CCDC74A: variants seen among roughly 807,000 people sequenced by gnomAD.
The protein encoded by CCDC74A is coiled-coil domain-containing protein 74A.
CCDC74A carries 38 observed loss-of-function variants against 37.6 expected under a neutral mutation model. The observed-to-expected ratio is 1.01, with a 90% CI of 0.78 to 1.33. The LOEUF (loss-of-function observed/expected upper bound fraction) is 1.33, where lower values mean the gene tolerates loss of function less well. CCDC74A is among the 40% of genes most tolerant of loss of function. The pLI is 0.00. For synonymous variants in CCDC74A, 134 were observed against 165.2 expected (o/e 0.81, Z 1.45); for missense variants, 340 against 403.4 (o/e 0.84, Z 1.35).
Position 131,533,036 on chromosome 2 carries a change from C to G in CCDC74A, c.776C>G (p.Pro259Arg). 6.2e-7 allele frequency: 1 copy of G among 1,613,946 alleles called. No homozygotes were observed. The highest frequency in any genetic ancestry group is 8.5e-7 in the Non-Finnish European group (1 of 1,179,854). The change falls in exon 7 of 8, where the codon CCC (proline) becomes CGC (arginine). Residue 259 changes from proline to arginine, a missense_variant. This residue lies in a region of CCDC74A where 185 missense variants were observed against 231.5 expected (regional missense o/e 0.80). Transcript: ENST00000409856. The part of the protein sequence containing the change: ...FPRDQEATHF[P>R]KVSTKSLSKK... Reference sequence around the variant, plus strand: ...AGGGACCAAGAAGCCACGCATTTCCCCAAGGTCTCCACCAAGAGCCTCTCC... The same window carrying G: ...AGGGACCAAGAAGCCACGCATTTCCGCAAGGTCTCCACCAAGAGCCTCTCC...
upstream of CCDC74A, among the ~76,000 whole-genome samples, chr2:131,524,999 T>TATA: frequency 6.6e-6 from 1 of 151,824 alleles, no homozygotes; most frequent in Non-Finnish European, 1.5e-5. Context: ...AGTTCCAGGC[T>TATA]GCAAGTGAGC....
upstream of CCDC74A, among the ~76,000 whole-genome samples, chr2:131,526,250 A>C (rs1190850783): frequency 6.7e-6 from 1 of 149,968 alleles, no homozygotes; most frequent in Non-Finnish European, 1.5e-5. Flanking sequence ...GGATTCAAGC[A>C]ATCCTCCCAC....
At chr2:131,530,491 G>A (rs1380545399) in intron 2 of CCDC74A, 1 of 1,564,708 alleles carries the variant, frequency 6.4e-7, no homozygotes, top group African/African-American at 1.4e-5. Flanking sequence ...GCCCTGCAGT[G>A]CTGGGGACGC....
chr2:131,528,358 C>T (rs1410464792), intron 1 of CCDC74A, 138 bp downstream of exon 1: 40 of 1,546,922 alleles, frequency 2.6e-5, no homozygotes, highest in Non-Finnish European at 3.4e-5. Context: ...TAAGCCCGCC[C>T]TGCCACGCTG....
upstream of CCDC74A, among the ~76,000 whole-genome samples, chr2:131,526,146 C>CT (rs369118247): frequency 0.21 from 27,189 of 126,538 alleles, 3,769 homozygotes; most frequent in East Asian, 0.65. Context: ...CTTTTTTTTC[C>CT]TTTTTTTTTT....
Position 131,528,325 on chromosome 2 carries a change from G to A in CCDC74A, c.250+105G>A, listed in dbSNP as rs770565483. On this transcript the variant is annotated intron_variant, in intron 1 of 7. Coordinates refer to ENST00000409856, the MANE Select transcript of CCDC74A (RefSeq NM_001258306.3). ...AGCCATCAACTCCAGCACACGCCTG[G>A]GCTCAGGGGGAACACAGGACGGTAA... The A allele has an allele frequency of 1.0e-5, 16 of 1,549,844 alleles. No individual in the cohort carries two copies. In the South Asian group the frequency reaches 1.8e-4, roughly 17 times the overall value.
chr2:131,533,156 A>C (rs548934992), intron 7 of CCDC74A, 87 bp downstream of exon 7: 9 of 1,609,706 alleles, frequency 5.6e-6, no homozygotes, highest in Admixed American at 1.7e-5. Context: ...GGCAGCGCAG[A>C]AGCAGAGCTC....
At chr2:131,528,934 T>G (rs1680696407) in intron 1 of CCDC74A, among the ~76,000 whole-genome samples, 2 of 76,114 alleles carry the variant, frequency 2.6e-5, no homozygotes, top group South Asian at 5.5e-4. Context: ...CCCCACCCCG[T>G]CCCCGCTTCG....
chr2:131,523,873 G>C (rs1162960370), upstream of CCDC74A, among the ~76,000 whole-genome samples: 1 of 152,004 alleles, frequency 6.6e-6, no homozygotes, highest in Non-Finnish European at 1.5e-5. Context: ...GAACTCCCAA[G>C]GGTAAGGAGG....
At chr2:131,528,833 T>C (rs971489707) in intron 1 of CCDC74A, among the ~76,000 whole-genome samples, 1 of 152,036 alleles carries the variant, frequency 6.6e-6, no homozygotes, top group Non-Finnish European at 1.5e-5. Flanking sequence ...ACAAAAACTT[T>C]ATACAGGGAA....
chr2:131,527,526 G>A (rs1478908220), upstream of CCDC74A: 3 of 157,898 alleles, frequency 1.9e-5, no homozygotes, highest in African/African-American at 7.2e-5. Flanking sequence ...TTTAGACAGA[G>A]TCTCTGTCGT....
intron 3 of CCDC74A, 143 bp from the exon 4 acceptor site, chr2:131,531,521 G>A: frequency 1.8e-6 from 2 of 1,087,904 alleles, no homozygotes; most frequent in Non-Finnish European, 2.4e-6. Context: ...CTCCAAGGCA[G>A]GCTTCCCTTT....
At chr2:131,523,300 T>C (rs1680188247), upstream of CCDC74A, among the ~76,000 whole-genome samples, 2 of 152,294 alleles carry the variant, frequency 1.3e-5, no homozygotes, top group South Asian at 4.1e-4. Context: ...AGTCACAAGG[T>C]GCCGAAATAT....
At chr2:131,530,063 C>A in intron 2 of CCDC74A, 1 of 1,550,426 alleles carries the variant, frequency 6.4e-7, no homozygotes, top group Non-Finnish European at 8.7e-7. Context: ...ATTTCCAGCC[C>A]TATGGCTCTG....
chr2:131,530,375 C>A, intron 2 of CCDC74A: 1 of 1,548,358 alleles, frequency 6.5e-7, no homozygotes, highest in Non-Finnish European at 8.7e-7. Flanking sequence ...GCTCTCCCTT[C>A]CCAGGGAGAC....
chr2:131,526,037 A>C (rs900809513), upstream of CCDC74A, among the ~76,000 whole-genome samples: 43 of 151,712 alleles, frequency 2.8e-4, no homozygotes, highest in Non-Finnish European at 2.9e-5. Context: ...GCTGGTCTTG[A>C]ACTCCTGACC....
intron 2 of CCDC74A, chr2:131,530,477 C>A: frequency 1.9e-6 from 3 of 1,555,236 alleles, no homozygotes; most frequent in Non-Finnish European, 2.6e-6. Flanking sequence ...AGTCGGCAGC[C>A]CCAGCCCTGC....
In CCDC74A at chr2:131,533,322, C is replaced by T. The variant is rs751698053; in HGVS notation, c.863C>T (p.Pro288Leu). The T allele has an allele frequency of 1.4e-5, 23 of 1,613,332 alleles. No individual in the cohort carries two copies. The highest frequency in any genetic ancestry group is 8.0e-5 in the African/African-American group (6 of 74,932). The change falls in exon 8 of 8, where the codon CCG becomes CTG. Residue 288 changes from proline to leucine, a missense_variant. By Grantham distance (98) the Pro-to-Leu change is moderately conservative. Transcript: ENST00000409856. ...RAILPALKQT[P>L]KNNFAERQKR... is the part of the protein sequence containing the mutation. The stretch of plus-strand genomic sequence containing the variant: ...ATCCTGCCCGCACTGAAGCAGACCC[C>T]GAAGAACAACTTTGCCGAGAGGCAG...
chr2:131,530,038 G>A (rs1323424447), intron 2 of CCDC74A: 8 of 1,550,312 alleles, frequency 5.2e-6, no homozygotes, highest in South Asian at 1.2e-5. Flanking sequence ...GATTGCTGCT[G>A]TGGCCAGGCC....
Sources: allele counts gnomAD v4.1 joint callset (sites outside exome capture counted in the v4.1 genomes callset), GRCh38; gene constraint gnomAD v4.1.1; regional missense constraint gnomAD v4.1.1; transcripts MANE v1.5; gene names NCBI Gene and HGNC (gene_info 2026-07-23, HGNC 2026-07-21).